PKD2L1: variants seen among roughly 807,000 people sequenced by gnomAD.
PKD2L1 encodes polycystin 2 like 1, transient receptor potential cation channel.
Under a neutral mutation model 93.0 loss-of-function variants are expected in PKD2L1, and 77 were observed. The ratio of observed to expected loss-of-function variants is 0.83; its 90% CI spans 0.69 to 1.00. PKD2L1 has a LOEUF of 1.00. Ranked by LOEUF, PKD2L1 falls within the 50% of genes least tolerant of loss-of-function variation. PKD2L1 has a pLI of 0.00. For missense variants in PKD2L1, 977 were observed against 990.9 expected (o/e 0.99, Z 0.19); for synonymous variants, 390 against 388.0 (o/e 1.01, Z -0.06).
intron 2 of PKD2L1, among the ~76,000 whole-genome samples, chr10:100,324,767 G>A (rs1176544264): frequency 6.6e-6 from 1 of 152,180 alleles, no homozygotes; most frequent in Non-Finnish European, 1.5e-5. Flanking sequence ...TGAATCCAGT[G>A]TGTCTGACTC....
chr10:100,319,379 G>A lies in PKD2L1; in HGVS notation c.349+9832C>T, dbSNP rs77909842. 6.0e-3 allele frequency among the ~76,000 whole-genome samples: 908 copies of A among 152,284 alleles called. 7 individuals carry two copies. Among genetic ancestry groups the A allele is most frequent in the African/African-American group, 0.02 (843 of 41,566 alleles). ...TAATAACTGGTAGCACCATCATTTG[G>A]ATCAGACCACCTTATTCCAGGTCAC... is the stretch of plus-strand genomic sequence containing the variant. On this transcript the variant is annotated intron_variant, in intron 2 of 15. Transcript: ENST00000318222.
chr10:100,327,582 A>G (rs1849406233), intron 2 of PKD2L1, among the ~76,000 whole-genome samples: 1 of 152,234 alleles, frequency 6.6e-6, no homozygotes, highest in Admixed American at 6.5e-5. Context: ...AGAGACGTTT[A>G]AGTCATTTAT....
At chr10:100,299,758 C>A (rs571288404) in intron 2 of PKD2L1, 40 bp from the exon 3 acceptor site, 1 of 1,599,170 alleles carries the variant, frequency 6.3e-7, no homozygotes, top group Non-Finnish European at 8.6e-7. Flanking sequence ...TCTCACTGTT[C>A]CCCCAGAGGA....
chr10:100,304,707 A>T (rs1247023041), intron 2 of PKD2L1, among the ~76,000 whole-genome samples: 7 of 152,044 alleles, frequency 4.6e-5, no homozygotes, highest in African/African-American at 1.7e-4. Flanking sequence ...CTGGTCCTGA[A>T]CTCCTGAACT....
chr10:100,292,892 A>G, intron 11 of PKD2L1, 56 bp downstream of exon 11: 2 of 1,557,380 alleles, frequency 1.3e-6, no homozygotes, highest in Non-Finnish European at 1.7e-6. Context: ...AGTATGGTTG[A>G]GGGTTGAGGA....
In PKD2L1 at chr10:100,306,855, C is replaced by CAAAAAAAAAAAAAAAAAAAAAAA. The variant is rs61413476; in HGVS notation, c.350-7138_350-7137insTTTTTTTTTTTTTTTTTTTTTTT. 4.0e-4 allele frequency among the ~76,000 whole-genome samples: 20 copies of CAAAAAAAAAAAAAAAAAAAAAAA among 49,846 alleles called. 1 individual carries two copies. The highest frequency in any genetic ancestry group is 2.0e-3 in the African/African-American group (17 of 8,690). The allele number at this position is 49,846 out of a possible 152,430, so 32.7% of individuals were successfully genotyped here. On this transcript the variant is annotated intron_variant, in intron 2 of 15. Coordinates refer to ENST00000318222, the MANE Select transcript of PKD2L1 (RefSeq NM_016112.3). ...CCTGGGCGAGAGAGTGAGACCCTGT[C>CAAAAAAAAAAAAAAAAAAAAAAA]AAAAAAAAAAAAAAAAAAGAAAGAG...
chr10:100,312,211 A>G (rs1258382075), intron 2 of PKD2L1, among the ~76,000 whole-genome samples: 1 of 152,228 alleles, frequency 6.6e-6, no homozygotes, highest in East Asian at 1.9e-4. Context: ...CAGTGTGTCT[A>G]CAGAGACTAC....
chr10:100,294,902 G>A, intron 8 of PKD2L1, 40 bp downstream of exon 8: 5 of 1,564,118 alleles, frequency 3.2e-6, no homozygotes, highest in South Asian at 2.3e-5. Context: ...GAGCTGGAGG[G>A]TGAGGGGCCA....
chr10:100,301,368 T>C (rs1210190193), intron 2 of PKD2L1, among the ~76,000 whole-genome samples: 5 of 152,000 alleles, frequency 3.3e-5, no homozygotes, highest in Non-Finnish European at 5.9e-5. Context: ...CTAGGAAGCC[T>C]GGGGGCACTG....
chr10:100,293,167 T>A (rs1848444317), intron 10 of PKD2L1, 98 bp from the exon 11 acceptor site: 1 of 1,584,180 alleles, frequency 6.3e-7, no homozygotes. Context: ...CAAGGATAAA[T>A]TTAAAGGCAC....
At position 100,322,872 on chromosome 10, in the gene PKD2L1, T is replaced by C. The variant is rs551653259; in HGVS notation, c.349+6339A>G. Among the ~76,000 whole-genome samples, 27 of 152,352 alleles carry C rather than the reference T, an allele frequency of 1.8e-4. 1 individual carries two copies. In the South Asian group the frequency reaches 5.6e-3, roughly 32 times the overall value. ...TCAGGCAACCAATTGCTGAGTTGGA[T>C]TCCTCTTTCTTCACTTGCTTGCATG... On this transcript the variant is annotated intron_variant, in intron 2 of 15. Coordinates refer to ENST00000318222, the MANE Select transcript of PKD2L1 (RefSeq NM_016112.3).
intron 2 of PKD2L1, among the ~76,000 whole-genome samples, chr10:100,303,144 T>C (rs1848720610): frequency 6.6e-6 from 1 of 152,030 alleles, no homozygotes; most frequent in Non-Finnish European, 1.5e-5. Context: ...AAGAATTCTT[T>C]GTCTTTTTCT....
chr10:100,315,221 A>G (rs970895658), intron 2 of PKD2L1, among the ~76,000 whole-genome samples: 1 of 152,096 alleles, frequency 6.6e-6, no homozygotes, highest in Non-Finnish European at 1.5e-5. Context: ...TCTGGGGTAC[A>G]TGTGCAGAAC....
At position 100,290,126 on chromosome 10, in the gene PKD2L1, T is replaced by C; in HGVS notation, c.2139A>G (p.Arg713=). ...SGEEFYMLTR[R]VLQLETVLEG... ...CCAGGACAGTCTCCAGCTGCAGAAC[T>C]CTCCTTGTGAGCCTGTGTGGGATTT... is the stretch of plus-strand genomic sequence containing the variant. Residue 713 remains arginine (R), a synonymous_variant, in exon 14 of 16, where the codon AGA becomes AGG. Transcript: ENST00000318222. 1 of 1,613,982 alleles carries C rather than the reference T, an allele frequency of 6.2e-7. No individual in the cohort carries two copies. Among genetic ancestry groups the C allele is most frequent in the Non-Finnish European group, 8.5e-7 (1 of 1,179,984 alleles).
chr10:100,298,697 C>G lies in PKD2L1; in HGVS notation c.596G>C (p.Arg199Thr). Residue 199 changes from arginine (R) to threonine (T), a missense_variant, in exon 4 of 16, where the codon AGG becomes ACG. Arg to Thr is a moderately conservative substitution (Grantham distance 71, BLOSUM62 -1). Transcript: ENST00000318222. ...ATTGCGGACCTTTAGCTGCCGCAGC[C>G]TCGGAACCCCCAGCAGCATGTTCTC... The part of the protein sequence containing the change: ...YYENMLLGVP[R>T]LRQLKVRNDS... 2 of 1,614,140 alleles carry G rather than the reference C, an allele frequency of 1.2e-6. No homozygotes were observed. The highest frequency in any genetic ancestry group is 4.5e-5 in the East Asian group (2 of 44,870).
chr10:100,329,789 AC>A (rs1849464057), intron 1 of PKD2L1, 79 bp downstream of exon 1: 4 of 939,396 alleles, frequency 4.3e-6, no homozygotes, highest in Non-Finnish European at 6.6e-6. Context: ...ATCACATTCC[AC>A]CCCCACCCCC....
At chr10:100,305,396 G>A (rs1589670466) in intron 2 of PKD2L1, among the ~76,000 whole-genome samples, 2 of 152,242 alleles carry the variant, frequency 1.3e-5, no homozygotes, top group Middle Eastern at 3.4e-3. Flanking sequence ...TTACAGGCTT[G>A]CACCACCACA....
chr10:100,293,149 C>A, intron 10 of PKD2L1, 80 bp from the exon 11 acceptor site: 1 of 1,588,450 alleles, frequency 6.3e-7, no homozygotes, highest in Non-Finnish European at 8.6e-7. Flanking sequence ...CATAGTATGC[C>A]AGGCTTCCAA....
intron 2 of PKD2L1, among the ~76,000 whole-genome samples, chr10:100,322,233 C>T (rs1052690273): frequency 6.6e-6 from 1 of 151,826 alleles, no homozygotes; most frequent in African/African-American, 2.4e-5. Flanking sequence ...ACAACAACAA[C>T]AACAACAAAA....
Sources: allele counts gnomAD v4.1 joint callset (sites outside exome capture counted in the v4.1 genomes callset), GRCh38; gene constraint gnomAD v4.1.1; transcripts MANE v1.5; gene names NCBI Gene and HGNC (gene_info 2026-07-23, HGNC 2026-07-21).